Variants in NME2 observed in about 807,000 individuals in gnomAD.
NME2 encodes the protein NME/NM23 nucleoside diphosphate kinase 2.
A neutral mutation model predicts 17.8 loss-of-function variants in NME2; 18 were observed. The observed-to-expected ratio is 1.01, with a 90% CI of 0.70 to 1.50. The LOEUF is 1.50. NME2 is among the 40% of genes most tolerant of loss of function. NME2 has a pLI of 0.00. For synonymous variants in NME2, 74 were observed against 71.4 expected (o/e 1.04, Z -0.19); for missense variants, 161 against 195.6 (o/e 0.82, Z 1.05).
At chr17:51,169,515 C>T (rs2050022785) in intron 3 of NME2, 1 of 158,486 alleles carries the variant, frequency 6.3e-6, no homozygotes, top group Admixed American at 6.6e-5. Context: ...GATCTATTTC[C>T]TGTTCACCTT....
At chr17:51,169,597 C>CT (rs1178100049) in intron 3 of NME2, 1 of 222,212 alleles carries the variant, frequency 4.5e-6, no homozygotes, top group Non-Finnish European at 8.8e-6. Flanking sequence ...TTCTAGCAGT[C>CT]TTCTGGGATG....
intron 2 of NME2, 40 bp from the exon 3 acceptor site, chr17:51,168,202 C>T (rs748625650): frequency 2.7e-5 from 43 of 1,606,988 alleles, no homozygotes; most frequent in Non-Finnish European, 3.6e-5. Context: ...TGGAGTCTTT[C>T]CAGCTTAGCT....
At chr17:51,168,384 G>A in intron 3 of NME2, 41 bp downstream of exon 3, 1 of 1,599,514 alleles carries the variant, frequency 6.3e-7, no homozygotes, top group African/African-American at 1.3e-5. Context: ...AGGAAAAAGT[G>A]CTCAGTGTTC....
chr17:51,167,136 AGACGC>A, intron 2 of NME2, 180 bp downstream of exon 2: 9 of 1,358,976 alleles, frequency 6.6e-6, no homozygotes, highest in Non-Finnish European at 8.8e-6. Context: ...TGGTGGGGAC[AGACGC>A]CCTTGGGAAG....
chr17:51,167,374 A>AT (rs2049969540), intron 2 of NME2: 1 of 261,366 alleles, frequency 3.8e-6, no homozygotes, highest in South Asian at 3.6e-5. Context: ...CTCCTTTAGC[A>AT]TAGGGTAGTG....
chr17:51,166,064 A>G (rs1006160174), upstream of NME2, among the ~76,000 whole-genome samples: 3 of 151,908 alleles, frequency 2.0e-5, no homozygotes, highest in African/African-American at 4.8e-5. Flanking sequence ...GGATGGTGAA[A>G]GCAGCAGATG....
rs768363313 is a variant in NME2, at chr17:51,168,312, A to C, written c.197A>C (p.Lys66Thr). 1 of 1,614,030 alleles carries C rather than the reference A, an allele frequency of 6.2e-7. No homozygotes were observed. Among genetic ancestry groups the C allele is most frequent in the Non-Finnish European group, 8.5e-7 (1 of 1,179,922 alleles). ...KDRPFFPGLV[K>T]YMNSGPVVAM... Reference sequence around the variant, plus strand: ...CGACCATTCTTCCCTGGGCTGGTGAAGTACATGAACTCAGGGCCGGTTGTG... The same window carrying C: ...CGACCATTCTTCCCTGGGCTGGTGACGTACATGAACTCAGGGCCGGTTGTG... The change falls in exon 3 of 5, where the codon AAG (lysine) becomes ACG (threonine). Residue 66 changes from lysine to threonine, a missense_variant. By Grantham distance (78) the Lys-to-Thr change is moderately conservative. Transcript: ENST00000512737.
Position 51,168,357 on chromosome 17 carries a change from G to A in NME2, c.228+14G>A. On this transcript the variant is annotated intron_variant, in intron 3 of 4. Transcript: ENST00000512737. ...GTTGTGGCCATGGTGAGTGCTCGTG[G>A]GGAATGAGAGAAAATGAGGAAAAAG... 8 of 1,612,462 alleles carry A rather than the reference G, an allele frequency of 5.0e-6. No homozygotes were observed. Among genetic ancestry groups the A allele is most frequent in the Non-Finnish European group, 6.8e-6 (8 of 1,179,228 alleles).
chr17:51,171,145 C>T (rs1330207994), intron 4 of NME2, among the ~76,000 whole-genome samples: 4 of 152,150 alleles, frequency 2.6e-5, no homozygotes, highest in Admixed American at 6.6e-5. Flanking sequence ...CACATCATAT[C>T]TAGTTGGGAT....
At chr17:51,168,718 A>G (rs147337081) in intron 3 of NME2, among the ~76,000 whole-genome samples, 9 of 151,736 alleles carry the variant, frequency 5.9e-5, no homozygotes, top group Non-Finnish European at 1.3e-4. Flanking sequence ...ACATGTCTCT[A>G]TGGTTAAATA....
At chr17:51,169,439 CAA>C (rs35598805) in intron 3 of NME2, 3,427 of 99,014 alleles carry the variant, frequency 0.035, 54 homozygotes, top group Non-Finnish European at 0.044. Context: ...GACTCTGTCT[CAA>C]AAAAAAAAAA....
intron 3 of NME2, 67 bp downstream of exon 3, chr17:51,168,410 C>T (rs1363746556): frequency 6.6e-7 from 1 of 1,510,656 alleles, no homozygotes; most frequent in Non-Finnish European, 9.1e-7. Context: ...TAGACATCTC[C>T]CTCAGCTAAT....
At chr17:51,168,087 G>A (rs764381072) in intron 2 of NME2, 155 bp from the exon 3 acceptor site, 15 of 468,514 alleles carry the variant, frequency 3.2e-5, no homozygotes, top group Non-Finnish European at 5.3e-5. Flanking sequence ...AAATATTTAT[G>A]TGTGTGTATA....
chr17:51,165,934 G>A (rs2049926750), upstream of NME2: 1 of 152,264 alleles, frequency 6.6e-6, no homozygotes, highest in East Asian at 1.9e-4. Flanking sequence ...GGAGGCCGAG[G>A]CTTAACCAGG....
At chr17:51,167,126 TGGTGGGGA>T in intron 2 of NME2, 170 bp downstream of exon 2, 9 of 1,416,364 alleles carry the variant, frequency 6.4e-6, no homozygotes, top group Non-Finnish European at 8.4e-6. Context: ...TTTCCCGGGG[TGGTGGGGA>T]CAGACGCCCT....
chr17:51,168,022 A>G, intron 2 of NME2: 1 of 304,856 alleles, frequency 3.3e-6, no homozygotes, highest in Non-Finnish European at 6.0e-6. Context: ...CACCAAAAAA[A>G]GAACAGTCTT....
rs2050073552 is a variant in NME2 at position 51,171,709 on chromosome 17, A to G, written c.*105A>G. 4.7e-6 allele frequency: 4 copies of G among 845,518 alleles called. No homozygotes were observed. The highest frequency in any genetic ancestry group is 7.6e-6 in the Non-Finnish European group (4 of 527,294). 52.4% of individuals were successfully genotyped at this position (845,518 alleles called of 1,614,324 possible). On this transcript the variant is annotated 3_prime_UTR_variant, in exon 5 of 5. Coordinates refer to ENST00000512737, the MANE Select transcript of NME2 (RefSeq NM_002512.4). Reference sequence around the variant, plus strand: ...GCAACAGGATTGATCATTCTTTTATAGAGCATATTTGCCAATAAAGCTTTT... The same window carrying G: ...GCAACAGGATTGATCATTCTTTTATGGAGCATATTTGCCAATAAAGCTTTT...
chr17:51,166,565 TG>T, intron 1 of NME2, 68 bp downstream of exon 1: 1 of 246,466 alleles, frequency 4.1e-6, no homozygotes, highest in South Asian at 1.7e-4. Flanking sequence ...CTGCCGCAGG[TG>T]GGCCCGGTCT....
rs759343357 is a variant in NME2 at position 51,166,858 on chromosome 17, G to A, written c.28G>A (p.Ala10Thr). The change falls in exon 2 of 5, where the codon GCC (alanine) becomes ACC (threonine). Residue 10 changes from alanine to threonine, a missense_variant. Physicochemically the swap from Ala to Thr is moderately conservative, Grantham distance 58 (BLOSUM62 0). Coordinates refer to ENST00000512737, the MANE Select transcript of NME2 (RefSeq NM_002512.4). ...GGCCAACCTGGAGCGCACCTTCATC[G>A]CCATCAAGCCGGACGGCGTGCAGCG... MANLERTFI[A>T]IKPDGVQRGL... 2.5e-6 allele frequency: 4 copies of A among 1,613,552 alleles called. No homozygotes were observed. The highest frequency in any genetic ancestry group is 1.7e-5 in the Admixed American group (1 of 60,006).
Sources: gnomAD v4.1 joint callset for allele counts (sites outside exome capture counted in the v4.1 genomes callset) on GRCh38, gnomAD v4.1.1 for gene constraint, MANE v1.5 for transcripts, NCBI Gene and HGNC (gene_info 2026-07-23, HGNC 2026-07-21) for gene names.